Variants in ADAMTSL1 observed in about 807,000 individuals in gnomAD.
ADAMTSL1 encodes ADAMTS like 1, also known as ADAMTS-like protein 1.
Under a neutral mutation model 201.8 loss-of-function variants are expected in ADAMTSL1, and 126 were observed. The observed-to-expected ratio is 0.62, with a 90% confidence interval of 0.54 to 0.72. The LOEUF (loss-of-function observed/expected upper bound fraction) is 0.72. ADAMTSL1 is among the 30% of genes least tolerant of loss of function. The pLI, the probability that ADAMTSL1 is intolerant of heterozygous loss-of-function variation, is 0.00. For missense variants in ADAMTSL1, 2,679 were observed against 2,277.8 expected, an observed-to-expected ratio of 1.18 and a Z score of -3.59; for synonymous variants, 1,121 against 903.4, an observed-to-expected ratio of 1.24 and a Z score of -4.32.
rs1292908146 is a variant in ADAMTSL1, at chr9:18,178,195, G to A, written c.207+14214G>A. On this transcript the variant is annotated intron_variant, in intron 2 of 29. Coordinates refer to the ADAMTSL1 transcript ENST00000680146. ...CACTGTGCGCGAGCCGAAGCAGGGCGAGGCATTGCCTCACTTGGGAAGCAC... is the reference window on the plus strand; with the variant it reads ...CACTGTGCGCGAGCCGAAGCAGGGCAAGGCATTGCCTCACTTGGGAAGCAC... Among the ~76,000 whole-genome samples the A allele has an allele frequency of 5.9e-5, 9 of 152,332 alleles. No homozygotes were observed. The South Asian group carries it at 6.2e-4, about 11-fold the overall frequency.
intron 1 of ADAMTSL1, among the ~76,000 whole-genome samples, chr9:18,025,234 C>A (rs368414935): frequency 3.3e-5 from 5 of 151,978 alleles, no homozygotes; most frequent in African/African-American, 4.8e-5. Context: ...TTGATAGTTT[C>A]TTTTGCTGTG....
chr9:17,926,830 C>T (rs191869907), intron 1 of ADAMTSL1, among the ~76,000 whole-genome samples: 7 of 152,142 alleles, frequency 4.6e-5, no homozygotes, highest in African/African-American at 7.2e-5. Flanking sequence ...AGAGATTCTC[C>T]GACATTACAG....
At chr9:17,971,235 C>G (rs1423604566) in intron 1 of ADAMTSL1, among the ~76,000 whole-genome samples, 1 of 152,066 alleles carries the variant, frequency 6.6e-6, no homozygotes, top group Non-Finnish European at 1.5e-5. Flanking sequence ...TGACATGTGT[C>G]CTTTGAACAT....
At chr9:18,404,776 A>C (rs932935136) in intron 2 of ADAMTSL1, among the ~76,000 whole-genome samples, 4 of 152,124 alleles carry the variant, frequency 2.6e-5, no homozygotes, top group African/African-American at 9.7e-5. Context: ...AGAGTTGCAA[A>C]GGCTCCCATT....
intron 23 of ADAMTSL1, among the ~76,000 whole-genome samples, chr9:18,835,520 T>C (rs1825260281): frequency 6.6e-6 from 1 of 152,164 alleles, no homozygotes; most frequent in South Asian, 2.1e-4. Context: ...TTTCAACTTT[T>C]ATTTTAGATT....
intron 19 of ADAMTSL1, among the ~76,000 whole-genome samples, chr9:18,791,687 T>G (rs907807580): frequency 6.6e-6 from 1 of 152,238 alleles, no homozygotes; most frequent in African/African-American, 2.4e-5. Flanking sequence ...CCCATGTAGA[T>G]TCTGTCTTAA....
At chr9:18,720,851 T>C (rs1482630277) in intron 14 of ADAMTSL1, among the ~76,000 whole-genome samples, 1 of 152,258 alleles carries the variant, frequency 6.6e-6, no homozygotes, top group Non-Finnish European at 1.5e-5. Flanking sequence ...AACTTCCCAG[T>C]AACCTTGTGC....
intron 1 of ADAMTSL1, among the ~76,000 whole-genome samples, chr9:18,025,615 C>T (rs1820660334): frequency 6.6e-6 from 1 of 152,044 alleles, no homozygotes; most frequent in Admixed American, 6.6e-5. Flanking sequence ...GTCTATGTGT[C>T]TGTTTTTGGA....
At chr9:18,419,979 C>T (rs1291649569) in intron 2 of ADAMTSL1, among the ~76,000 whole-genome samples, 4 of 152,076 alleles carry the variant, frequency 2.6e-5, no homozygotes, top group South Asian at 2.1e-4. Context: ...CCACCCGCCT[C>T]GGCCTTCCAA....
intron 1 of ADAMTSL1, among the ~76,000 whole-genome samples, chr9:18,053,328 T>C (rs1366786126): frequency 6.6e-6 from 1 of 152,170 alleles, no homozygotes; most frequent in African/African-American, 2.4e-5. Flanking sequence ...TTACTCATTA[T>C]ATTGCACTTT....
chr9:18,255,266 C>G (rs1341289567), intron 2 of ADAMTSL1, among the ~76,000 whole-genome samples: 1 of 152,044 alleles, frequency 6.6e-6, no homozygotes, highest in Non-Finnish European at 1.5e-5. Context: ...GGGGCGCTGC[C>G]GCATTCTTTA....
intron 23 of ADAMTSL1, among the ~76,000 whole-genome samples, chr9:18,831,206 C>T (rs1824955709): frequency 6.6e-6 from 1 of 152,130 alleles, no homozygotes. Context: ...AACAAGTAGC[C>T]CTATTCTGTT....
chr9:18,260,127 T>G (rs1831858850), intron 2 of ADAMTSL1, among the ~76,000 whole-genome samples: 1 of 152,218 alleles, frequency 6.6e-6, no homozygotes, highest in South Asian at 2.1e-4. Context: ...GGGAAAGCTT[T>G]AATTCCATTT....
At chr9:18,633,610 C>T (rs1260311820) in intron 5 of ADAMTSL1, among the ~76,000 whole-genome samples, 1 of 149,258 alleles carries the variant, frequency 6.7e-6, no homozygotes, top group African/African-American at 2.5e-5. Flanking sequence ...ACAAACAAAC[C>T]AAAGAAGCTC....
chr9:18,272,208 A>T (rs139887068), intron 2 of ADAMTSL1, among the ~76,000 whole-genome samples: 1 of 152,140 alleles, frequency 6.6e-6, no homozygotes, highest in African/African-American at 2.4e-5. Context: ...TTCAAGCTAT[A>T]CTACAAGGCT....
intron 1 of ADAMTSL1, among the ~76,000 whole-genome samples, chr9:18,503,339 C>A (rs34081958): frequency 0.55 from 81,686 of 148,996 alleles, 22,515 homozygotes; most frequent in African/African-American, 0.56. Flanking sequence ...TATTTCACTT[C>A]GTGTCATGTC....
At chr9:18,048,307 A>G (rs1052262755) in intron 1 of ADAMTSL1, among the ~76,000 whole-genome samples, 1 of 152,206 alleles carries the variant, frequency 6.6e-6, no homozygotes, top group Non-Finnish European at 1.5e-5. Flanking sequence ...TGCGTGAATT[A>G]TATTGCTTCA....
intron 1 of ADAMTSL1, among the ~76,000 whole-genome samples, chr9:18,153,241 G>C (rs965483072): frequency 6.6e-6 from 1 of 151,892 alleles, no homozygotes; most frequent in African/African-American, 2.4e-5. Context: ...GCCATGGAGT[G>C]GAAAGGACAT....
chr9:17,932,515 C>A (rs2840771), intron 1 of ADAMTSL1, among the ~76,000 whole-genome samples: 103 of 152,176 alleles, frequency 6.8e-4, no homozygotes, highest in African/African-American at 2.4e-3. Context: ...ACTCATTTTT[C>A]GTTGAAGGCG....
Sources: allele counts gnomAD v4.1 joint callset (sites outside exome capture counted in the v4.1 genomes callset), GRCh38; gene constraint gnomAD v4.1.1; transcripts MANE v1.5; gene names NCBI Gene and HGNC (gene_info 2026-07-23, HGNC 2026-07-21).